The following GABRG3 variants were observed in gnomAD, a reference collection of about 807,000 sequenced individuals.
GABRG3 encodes gamma-aminobutyric acid type A receptor subunit gamma3, also known as gamma-aminobutyric acid receptor subunit gamma-3.
In GABRG3, 25 loss-of-function variants were observed where a neutral mutation model predicts 48.8. The observed-to-expected ratio is 0.51, with a 90% CI of 0.37 to 0.72. The LOEUF (loss-of-function observed/expected upper bound fraction) is 0.72, where lower values mean the gene tolerates loss of function less well. GABRG3 is among the 30% of genes least tolerant of loss of function. GABRG3 has a pLI of 0.00. For missense variants in GABRG3, 394 were observed against 577.9 expected, an observed-to-expected ratio of 0.68 and a Z score of 3.26; for synonymous variants, 227 against 217.6, an observed-to-expected ratio of 1.04 and a Z score of -0.38.
intron 6 of GABRG3, among the ~76,000 whole-genome samples, chr15:27,493,746 C>CA (rs993771637): frequency 6.6e-6 from 1 of 152,144 alleles, no homozygotes; most frequent in African/African-American, 2.4e-5. Flanking sequence ...TCGATAGTCT[C>CA]AACACTATGA....
At chr15:27,473,097 G>A (rs557154458) in intron 5 of GABRG3, among the ~76,000 whole-genome samples, 1 of 152,102 alleles carries the variant, frequency 6.6e-6, no homozygotes, top group Non-Finnish European at 1.5e-5. Flanking sequence ...TCATTATTAG[G>A]TTGTATATCA....
Position 27,475,073 on chromosome 15 carries a change from T to A in GABRG3, c.575-5577T>A, listed in dbSNP as rs191483529. ...TGAACCTGGAAGGTGGAGGTTGCAG[T>A]GAGCTGAGATCGCGCCAGTGCACTC... On this transcript the variant is annotated intron_variant, in intron 5 of 9. Transcript: ENST00000615808. Among the ~76,000 whole-genome samples, 587 of 152,184 alleles carry A rather than the reference T, an allele frequency of 3.9e-3. 3 individuals are homozygous for A. Among genetic ancestry groups the A allele is most frequent in the African/African-American group, 0.013 (547 of 41,538 alleles).
At chr15:27,290,991 G>A (rs781772078) in intron 3 of GABRG3, among the ~76,000 whole-genome samples, 3 of 152,084 alleles carry the variant, frequency 2.0e-5, no homozygotes, top group Non-Finnish European at 4.4e-5. Context: ...TTAATATTAA[G>A]AAAATAAATA....
At chr15:27,367,386 A>T (rs930480770) in intron 5 of GABRG3, among the ~76,000 whole-genome samples, 6 of 152,238 alleles carry the variant, frequency 3.9e-5, no homozygotes, top group Non-Finnish European at 8.8e-5. Context: ...CAATAAAGGT[A>T]TGTGGTGTCC....
intron 3 of GABRG3, chr15:27,161,130 C>T (rs1030924543): frequency 3.9e-5 from 6 of 152,168 alleles, no homozygotes; most frequent in South Asian, 2.1e-4. Flanking sequence ...TTGGACCCAT[C>T]GTATGTTACT....
chr15:27,306,979 A>ATAAACATGTTTATATATAAACAT (rs777908834), intron 3 of GABRG3, among the ~76,000 whole-genome samples: 17,990 of 68,588 alleles, frequency 0.26, 6,219 homozygotes, highest in Non-Finnish European at 0.43. Context: ...AAACATATAT[A>ATAAACATGTTTATATATAAACAT]ATATAAACAT....
intron 3 of GABRG3, among the ~76,000 whole-genome samples, chr15:27,138,745 A>C (rs1224258184): frequency 6.6e-6 from 1 of 152,174 alleles, no homozygotes; most frequent in Non-Finnish European, 1.5e-5. Context: ...CTGAAGGCAT[A>C]ATTCCATTGT....
At chr15:27,106,108 T>C (rs1178634927) in intron 3 of GABRG3, among the ~76,000 whole-genome samples, 1 of 151,944 alleles carries the variant, frequency 6.6e-6, no homozygotes, top group Admixed American at 6.6e-5. Flanking sequence ...AATAAAACAA[T>C]AGTTACCAGC....
intron 3 of GABRG3, among the ~76,000 whole-genome samples, chr15:27,081,962 G>C (rs1004993620): frequency 2.6e-5 from 4 of 152,152 alleles, no homozygotes; most frequent in African/African-American, 9.7e-5. Context: ...GTTCTCTTGG[G>C]GACCCAGAGA....
chr15:27,312,801 T>A (rs557863757), intron 3 of GABRG3, among the ~76,000 whole-genome samples: 35 of 151,954 alleles, frequency 2.3e-4, no homozygotes, highest in Non-Finnish European at 3.5e-4. Flanking sequence ...CAAAAGACAC[T>A]AAACAGCAAC....
intron 5 of GABRG3, among the ~76,000 whole-genome samples, chr15:27,351,184 A>T (rs1894565799): frequency 8.3e-6 from 1 of 120,632 alleles, no homozygotes; most frequent in African/African-American, 3.3e-5. Flanking sequence ...ATTTGTGTGT[A>T]TGTATGGTAT....
intron 3 of GABRG3, among the ~76,000 whole-genome samples, chr15:27,211,977 C>T (rs762825440): frequency 4.6e-5 from 7 of 152,120 alleles, no homozygotes; most frequent in East Asian, 1.9e-4. Context: ...GCCTGGAGGC[C>T]GACCCAGCTA....
chr15:26,976,987 G>A lies in GABRG3; in HGVS notation c.54-15G>A, dbSNP rs1205370683. 1 of 1,613,606 alleles carries A rather than the reference G, an allele frequency of 6.2e-7. No homozygotes were observed. ...GCTGCCACTTATATGTCGCATTTTT[G>A]TGCTGTAACTCCAGGTCCAGAAAGG... is the stretch of plus-strand genomic sequence containing the variant. On this transcript the variant is annotated splice_polypyrimidine_tract_variant and intron_variant, in intron 1 of 9. Transcript: ENST00000615808. The surrounding 1 kb of genome is among the most constrained non-coding windows in gnomAD (Gnocchi z 7.8).
chr15:27,212,523 G>A (rs957914771), intron 3 of GABRG3, among the ~76,000 whole-genome samples: 1 of 152,122 alleles, frequency 6.6e-6, no homozygotes, highest in Non-Finnish European at 1.5e-5. Context: ...ATTTTCTTCT[G>A]TCAGAATGAG....
intron 3 of GABRG3, among the ~76,000 whole-genome samples, chr15:27,225,622 A>T (rs950357381): frequency 2.0e-5 from 3 of 152,106 alleles, no homozygotes; most frequent in Non-Finnish European, 4.4e-5. Context: ...TGAAGAGGCA[A>T]GCATGGAATC....
At chr15:27,492,508 G>T (rs1890380708) in intron 6 of GABRG3, among the ~76,000 whole-genome samples, 1 of 152,160 alleles carries the variant, frequency 6.6e-6, no homozygotes, top group Non-Finnish European at 1.5e-5. Context: ...GAGCAGTTGA[G>T]CCTGGAAGCC....
intron 3 of GABRG3, among the ~76,000 whole-genome samples, chr15:27,053,934 G>A (rs1471656020): frequency 1.3e-5 from 2 of 152,172 alleles, no homozygotes; most frequent in Non-Finnish European, 2.9e-5. Flanking sequence ...GATACACATG[G>A]ACATAAAGAT....
At chr15:27,065,425 T>C (rs1281881108) in intron 3 of GABRG3, among the ~76,000 whole-genome samples, 1 of 152,178 alleles carries the variant, frequency 6.6e-6, no homozygotes, top group African/African-American at 2.4e-5. Flanking sequence ...AATGTGTTTT[T>C]CCCTGGTTGG....
At chr15:27,456,248 A>G (rs1408813560) in intron 5 of GABRG3, among the ~76,000 whole-genome samples, 1 of 152,094 alleles carries the variant, frequency 6.6e-6, no homozygotes, top group African/African-American at 2.4e-5. Flanking sequence ...CTCAAGTCTT[A>G]CCCCTTCCCA....
Sources: allele counts gnomAD v4.1 joint callset (sites outside exome capture counted in the v4.1 genomes callset), GRCh38; gene constraint gnomAD v4.1.1; non-coding constraint Gnocchi (gnomAD v3.1); transcripts MANE v1.5; gene names NCBI Gene and HGNC (gene_info 2026-07-23, HGNC 2026-07-21).